Variants in ST6GALNAC5 observed in about 807,000 individuals in gnomAD.
ST6GALNAC5 encodes alpha-N-acetylgalactosaminide alpha-2,6-sialyltransferase 5.
A neutral mutation model predicts 33.6 loss-of-function variants in ST6GALNAC5; 27 were observed. The observed-to-expected ratio is 0.80, with a 90% CI of 0.59 to 1.11. ST6GALNAC5 has a LOEUF of 1.11. Among genes scored for constraint, ST6GALNAC5 ranks in the 50% least tolerant of loss-of-function variants. The pLI, the probability that ST6GALNAC5 is intolerant of heterozygous loss-of-function variation, is 0.00. For synonymous variants in ST6GALNAC5, 194 were observed against 171.2 expected, an observed-to-expected ratio of 1.13 and a Z score of -1.04; for missense variants, 428 against 454.0, an observed-to-expected ratio of 0.94 and a Z score of 0.52.
intron 2 of ST6GALNAC5, among the ~76,000 whole-genome samples, chr1:76,972,996 T>C (rs1380920875): frequency 2.6e-5 from 4 of 152,106 alleles, no homozygotes; most frequent in African/African-American, 9.7e-5. Context: ...TTGGTCCTTA[T>C]TGATCAAAAA....
intron 2 of ST6GALNAC5, among the ~76,000 whole-genome samples, chr1:77,014,278 G>T (rs181167832): frequency 5.3e-5 from 8 of 152,078 alleles, no homozygotes; most frequent in Non-Finnish European, 8.8e-5. Flanking sequence ...TTACCATTCC[G>T]TCAGCCAAGT....
At chr1:77,020,388 T>G (rs1651008007) in intron 2 of ST6GALNAC5, among the ~76,000 whole-genome samples, 2 of 152,050 alleles carry the variant, frequency 1.3e-5, no homozygotes, top group Non-Finnish European at 2.9e-5. Context: ...TTGTTTCCTT[T>G]GTTGTTTGTT....
chr1:76,990,596 G>A (rs1414978402), intron 2 of ST6GALNAC5, among the ~76,000 whole-genome samples: 1 of 152,120 alleles, frequency 6.6e-6, no homozygotes, highest in Non-Finnish European at 1.5e-5. Context: ...AAGGCAGCCT[G>A]TGCCTTCTCC....
rs975114507 is a variant in ST6GALNAC5 at position 77,063,879 on chromosome 1, A to G, written c.*673A>G. The G allele has an allele frequency of 6.6e-6, 1 of 152,660 alleles. No individual in the cohort carries two copies. Among genetic ancestry groups the G allele is most frequent in the African/African-American group, 2.4e-5 (1 of 41,464 alleles). 9.5% of individuals were successfully genotyped at this position (152,660 alleles called of 1,614,324 possible). A position where few individuals can be genotyped will look rare whatever the true frequency, so the allele number is the denominator to read the frequency against. Reference sequence around the variant, plus strand: ...TCTGTTCACAATGCTCATTGTTAGCATGCAATTGGTATTTGACTTGGAAGT... The same window carrying G: ...TCTGTTCACAATGCTCATTGTTAGCGTGCAATTGGTATTTGACTTGGAAGT... On this transcript the variant is annotated 3_prime_UTR_variant, in exon 5 of 5. Coordinates refer to ENST00000477717, the MANE Select transcript of ST6GALNAC5 (RefSeq NM_030965.3).
At chr1:76,895,037 T>TTGAGCCAGGA (rs796250180) in intron 2 of ST6GALNAC5, among the ~76,000 whole-genome samples, 7 of 152,148 alleles carry the variant, frequency 4.6e-5, no homozygotes, top group African/African-American at 1.7e-4. Flanking sequence ...AGGGGAGCTT[T>TTGAGCCAGGA]TGAGCCAGGA....
At chr1:77,032,342 G>T (rs1056583402) in intron 2 of ST6GALNAC5, among the ~76,000 whole-genome samples, 4 of 152,176 alleles carry the variant, frequency 2.6e-5, no homozygotes, top group Non-Finnish European at 5.9e-5. Context: ...GATTGAGGTG[G>T]ATGTAGGAGG....
chr1:76,912,461 T>C (rs1005944271), intron 2 of ST6GALNAC5, among the ~76,000 whole-genome samples: 45 of 152,084 alleles, frequency 3.0e-4, no homozygotes, highest in African/African-American at 1.1e-3. Context: ...CAGAGCTGAG[T>C]TCAATTCCTG....
intron 2 of ST6GALNAC5, among the ~76,000 whole-genome samples, chr1:76,984,674 C>T (rs1649407726): frequency 2.6e-5 from 4 of 152,218 alleles, no homozygotes; most frequent in Admixed American, 2.0e-4. Context: ...ATGAGGCCAA[C>T]ATCATCCTGA....
intron 2 of ST6GALNAC5, among the ~76,000 whole-genome samples, chr1:76,938,003 G>T (rs1647233573): frequency 6.6e-6 from 1 of 151,950 alleles, no homozygotes; most frequent in African/African-American, 2.4e-5. Context: ...TAGAGGAAAA[G>T]GTTACATTTA....
intron 2 of ST6GALNAC5, among the ~76,000 whole-genome samples, chr1:76,923,929 T>C (rs1323790218): frequency 3.3e-5 from 5 of 152,088 alleles, no homozygotes; most frequent in South Asian, 4.1e-4. Flanking sequence ...AAAGAAAATA[T>C]ACAGCATGCA....
chr1:77,002,949 G>GA (rs1650235691), intron 2 of ST6GALNAC5, among the ~76,000 whole-genome samples: 1 of 59,472 alleles, frequency 1.7e-5, no homozygotes, highest in African/African-American at 7.2e-5. Flanking sequence ...GTGTGGTGCT[G>GA]AAAAAAATGT....
intron 2 of ST6GALNAC5, among the ~76,000 whole-genome samples, chr1:76,879,090 C>T (rs1557707337): frequency 6.6e-6 from 1 of 152,178 alleles, no homozygotes; most frequent in South Asian, 2.1e-4. Flanking sequence ...TAAGTGCTGC[C>T]CTCATAAATC....
At chr1:76,983,206 C>T (rs1455091406) in intron 2 of ST6GALNAC5, among the ~76,000 whole-genome samples, 2 of 152,138 alleles carry the variant, frequency 1.3e-5, no homozygotes, top group Non-Finnish European at 2.9e-5. Flanking sequence ...AATTAAAAGA[C>T]ACAGACTGGC....
chr1:76,922,727 A>G (rs1461020013), intron 2 of ST6GALNAC5, among the ~76,000 whole-genome samples: 5 of 152,048 alleles, frequency 3.3e-5, no homozygotes, highest in African/African-American at 1.2e-4. Context: ...GCTTTGCATA[A>G]GAAACTTTTC....
intron 2 of ST6GALNAC5, among the ~76,000 whole-genome samples, chr1:76,948,951 C>T (rs532207511): frequency 2.0e-4 from 30 of 152,240 alleles, no homozygotes; most frequent in African/African-American, 6.7e-4. Context: ...TTGGATGTCT[C>T]CCAAGTGCCA....
chr1:77,037,779 G>A (rs538531065), intron 2 of ST6GALNAC5, among the ~76,000 whole-genome samples: 1 of 152,268 alleles, frequency 6.6e-6, no homozygotes, highest in East Asian at 1.9e-4. Flanking sequence ...GACAATGGGG[G>A]CTTAGATGAA....
intron 1 of ST6GALNAC5, among the ~76,000 whole-genome samples, 175 bp downstream of exon 1, chr1:76,867,865 G>T (rs1392622104): frequency 1.3e-5 from 2 of 152,048 alleles, no homozygotes; most frequent in Non-Finnish European, 2.9e-5. Context: ...GCTCTGCCTG[G>T]CTCGGAATCC....
chr1:76,902,670 T>C (rs1268431431), intron 2 of ST6GALNAC5, among the ~76,000 whole-genome samples: 5 of 152,160 alleles, frequency 3.3e-5, no homozygotes, highest in Admixed American at 2.6e-4. Context: ...ATCAAACATA[T>C]GTTACTAACA....
intron 2 of ST6GALNAC5, among the ~76,000 whole-genome samples, chr1:76,955,286 C>T (rs1368138789): frequency 6.6e-6 from 1 of 152,102 alleles, no homozygotes; most frequent in East Asian, 1.9e-4. Flanking sequence ...ATCTATGTTG[C>T]ATACTGTAAT....
Sources: gnomAD v4.1 joint callset for allele counts (sites outside exome capture counted in the v4.1 genomes callset) on GRCh38, gnomAD v4.1.1 for gene constraint, MANE v1.5 for transcripts, NCBI Gene and HGNC (gene_info 2026-07-23, HGNC 2026-07-21) for gene names.